Variants in KLHL1 observed in about 807,000 individuals in gnomAD.
KLHL1 encodes kelch like family member 1, also known as kelch-like protein 1.
In KLHL1, 47 loss-of-function variants were observed where a neutral mutation model predicts 77.7. The ratio of observed to expected loss-of-function variants is 0.60; its 90% CI spans 0.48 to 0.77. The LOEUF is 0.77. Ranked by LOEUF, KLHL1 falls within the 30% of genes least tolerant of loss-of-function variation. The pLI, the probability that KLHL1 is intolerant of heterozygous loss-of-function variation, is 0.00. For synonymous variants in KLHL1, 360 were observed against 325.2 expected, an observed-to-expected ratio of 1.11 and a Z score of -1.15; for missense variants, 925 against 910.8, an observed-to-expected ratio of 1.02 and a Z score of -0.20.
intron 7 of KLHL1, among the ~76,000 whole-genome samples, chr13:69,745,222 T>C (rs925954519): frequency 6.6e-6 from 1 of 152,028 alleles, no homozygotes; most frequent in Non-Finnish European, 1.5e-5. Flanking sequence ...ACTAAGCATT[T>C]GTTCATGTGT....
intron 5 of KLHL1, among the ~76,000 whole-genome samples, chr13:69,870,268 C>T (rs1375021024): frequency 6.6e-6 from 1 of 152,074 alleles, no homozygotes; most frequent in Admixed American, 6.6e-5. Context: ...GAGAGAGAAG[C>T]TGGGAGAGGT....
At position 69,731,410 on chromosome 13, in the gene KLHL1, C is replaced by G. The variant is rs1873537303; in HGVS notation, c.1802+8984G>C. Among the ~76,000 whole-genome samples, 3 of 152,066 alleles carry G rather than the reference C, an allele frequency of 2.0e-5. No individual in the cohort carries two copies. In the South Asian group the frequency reaches 6.2e-4, roughly 32 times the overall value. On this transcript the variant is annotated intron_variant, in intron 8 of 10. Coordinates refer to ENST00000377844, the MANE Select transcript of KLHL1 (RefSeq NM_020866.3). ...AGAAGGTAATGGAAGAACAACCAAC[C>G]ATTTTTTATGCAAGCAGCCCATCAC...
intron 1 of KLHL1, among the ~76,000 whole-genome samples, chr13:70,066,283 A>T (rs532980185): frequency 2.0e-5 from 3 of 152,342 alleles, no homozygotes; most frequent in Admixed American, 6.5e-5. Flanking sequence ...TGTCTAAGTC[A>T]TCTAGCAATG....
At chr13:69,877,403 C>T (rs927471133) in intron 5 of KLHL1, among the ~76,000 whole-genome samples, 1 of 151,660 alleles carries the variant, frequency 6.6e-6, no homozygotes, top group African/African-American at 2.4e-5. Flanking sequence ...TTTGTTGAAT[C>T]CCAGAAAGAA....
chr13:69,747,750 T>TCAAAA lies in KLHL1; in HGVS notation c.1640-7195_1640-7194insTTTTG, dbSNP rs1874279513. Among the ~76,000 whole-genome samples, 12 of 152,098 alleles carry TCAAAA rather than the reference T, an allele frequency of 7.9e-5. No individual in the cohort carries two copies. In the South Asian group the frequency reaches 2.5e-3, roughly 32 times the overall value. Reference sequence around the variant, plus strand: ...AAAGCATGACAATATCAAATGTTGCTAAGAACATTAGGAATTGAGAAGTCT... The same window carrying TCAAAA: ...AAAGCATGACAATATCAAATGTTGCTCAAAAAAGAACATTAGGAATTGAGAAGTCT... On this transcript the variant is annotated intron_variant, in intron 7 of 10. Coordinates refer to ENST00000377844, the MANE Select transcript of KLHL1 (RefSeq NM_020866.3).
intron 2 of KLHL1, among the ~76,000 whole-genome samples, chr13:69,970,294 T>C (rs1175704600): frequency 5.3e-5 from 8 of 152,180 alleles, no homozygotes. Context: ...TTCCCACTGA[T>C]ATTTTCTTTC....
At chr13:69,816,965 T>C (rs1210936933) in intron 6 of KLHL1, among the ~76,000 whole-genome samples, 1 of 151,114 alleles carries the variant, frequency 6.6e-6, no homozygotes, top group African/African-American at 2.4e-5. Flanking sequence ...CTCAGAATAG[T>C]AAAAAAATAA....
chr13:69,941,078 A>G (rs1425764538), intron 3 of KLHL1, among the ~76,000 whole-genome samples: 1 of 152,062 alleles, frequency 6.6e-6, no homozygotes, highest in Non-Finnish European at 1.5e-5. Context: ...TAATTGTATA[A>G]CAATGAACCT....
rs562121937 is a variant in KLHL1 at position 69,883,287 on chromosome 13, A to G, written c.1015-792T>C. ...CTTGTTTAAGCAAGCTGGTGTTCAT[A>G]ATCTGACCTTTTCCTGTTCTCTTTG... On this transcript the variant is annotated intron_variant, in intron 4 of 10. Coordinates refer to ENST00000377844, the MANE Select transcript of KLHL1 (RefSeq NM_020866.3). Among the ~76,000 whole-genome samples the G allele has an allele frequency of 3.3e-5, 5 of 152,246 alleles. No homozygotes were observed. The South Asian group carries it at 1.0e-3, about 32-fold the overall frequency.
chr13:70,065,271 T>A (rs1886979350), intron 1 of KLHL1, among the ~76,000 whole-genome samples: 1 of 152,168 alleles, frequency 6.6e-6, no homozygotes, highest in Non-Finnish European at 1.5e-5. Context: ...ACCATACTTT[T>A]TTTTGCAGGA....
intron 1 of KLHL1, among the ~76,000 whole-genome samples, chr13:70,001,171 G>C (rs1885278571): frequency 2.0e-5 from 3 of 150,892 alleles, no homozygotes. Context: ...TTCAATGTTT[G>C]CTGAAATGGC....
intron 6 of KLHL1, among the ~76,000 whole-genome samples, chr13:69,825,699 A>G (rs1190948794): frequency 2.0e-5 from 3 of 152,176 alleles, no homozygotes; most frequent in Admixed American, 6.6e-5. Flanking sequence ...TAAGAAGCAC[A>G]TGTTTTATCC....
At chr13:70,020,793 A>ATATGTATATG (rs1206453480) in intron 1 of KLHL1, among the ~76,000 whole-genome samples, 7 of 151,982 alleles carry the variant, frequency 4.6e-5, no homozygotes, top group Admixed American at 4.6e-4. Flanking sequence ...TGTGAGATAT[A>ATATGTATATG]TATGTATATG....
At chr13:69,888,645 C>T in intron 4 of KLHL1, among the ~76,000 whole-genome samples, 1 of 151,954 alleles carries the variant, frequency 6.6e-6, no homozygotes, top group Admixed American at 6.6e-5. Flanking sequence ...GGATTCTTCC[C>T]CAGACACTTT....
intron 4 of KLHL1, among the ~76,000 whole-genome samples, chr13:69,910,767 T>A (rs1882211501): frequency 6.6e-6 from 1 of 151,816 alleles, no homozygotes; most frequent in Admixed American, 6.6e-5. Flanking sequence ...CTCATACAAA[T>A]ATAAAATAGA....
At chr13:69,730,578 C>CT (rs915943269) in intron 8 of KLHL1, among the ~76,000 whole-genome samples, 4 of 149,794 alleles carry the variant, frequency 2.7e-5, no homozygotes, top group East Asian at 3.9e-4. Flanking sequence ...ACATCCATTC[C>CT]TTTTTTTTTC....
intron 1 of KLHL1, among the ~76,000 whole-genome samples, chr13:70,059,693 T>C (rs1240004577): frequency 6.6e-6 from 1 of 152,148 alleles, no homozygotes; most frequent in Non-Finnish European, 1.5e-5. Context: ...CTGTAAAGAA[T>C]AGAAGTTTAA....
At chr13:69,788,749 T>C (rs1876701402) in intron 7 of KLHL1, among the ~76,000 whole-genome samples, 1 of 152,014 alleles carries the variant, frequency 6.6e-6, no homozygotes, top group Non-Finnish European at 1.5e-5. Flanking sequence ...TATTAAGCAA[T>C]AAATACTTGG....
At chr13:70,079,120 A>G (rs1362302705) in intron 1 of KLHL1, among the ~76,000 whole-genome samples, 1 of 152,208 alleles carries the variant, frequency 6.6e-6, no homozygotes, top group Non-Finnish European at 1.5e-5. Context: ...ACTTAACTGC[A>G]GTTAATACAG....
Sources: allele counts gnomAD v4.1 joint callset (sites outside exome capture counted in the v4.1 genomes callset), GRCh38; gene constraint gnomAD v4.1.1; transcripts MANE v1.5; gene names NCBI Gene and HGNC (gene_info 2026-07-23, HGNC 2026-07-21).